DGKB: variants seen among roughly 807,000 people sequenced by gnomAD.
The protein encoded by DGKB is diacylglycerol kinase beta, also known as 90 kDa diacylglycerol kinase.
A neutral mutation model predicts 114.3 loss-of-function variants in DGKB; 67 were observed. The observed-to-expected ratio is 0.59, with a 90% CI of 0.48 to 0.72. The LOEUF (loss-of-function observed/expected upper bound fraction) is 0.72, where lower values mean the gene tolerates loss of function less well. Among genes scored for constraint, DGKB ranks in the 30% least tolerant of loss-of-function variants. DGKB has a pLI of 0.00. For missense variants in DGKB, 907 were observed against 975.2 expected, an observed-to-expected ratio of 0.93 and a Z score of 0.93; for synonymous variants, 398 against 323.1, an observed-to-expected ratio of 1.23 and a Z score of -2.49.
intron 23 of DGKB, among the ~76,000 whole-genome samples, chr7:14,259,381 C>G (rs915198659): frequency 1.1e-5 from 1 of 92,630 alleles, no homozygotes; most frequent in African/African-American, 4.4e-5. Flanking sequence ...AGTAAAGTTT[C>G]TCTCTCTCTC....
intron 21 of DGKB, among the ~76,000 whole-genome samples, chr7:14,403,523 T>TAA (rs35530262): frequency 6.0e-5 from 9 of 151,260 alleles, no homozygotes; most frequent in Non-Finnish European, 8.9e-5. Context: ...TTTTCCATTT[T>TAA]AAAAAAAACC....
intron 20 of DGKB, among the ~76,000 whole-genome samples, chr7:14,512,500 C>T (rs1788132194): frequency 6.6e-6 from 1 of 152,106 alleles, no homozygotes; most frequent in Admixed American, 6.6e-5. Context: ...ATGTCATTAG[C>T]TTGCTGGAAT....
intron 23 of DGKB, among the ~76,000 whole-genome samples, chr7:14,289,651 A>G (rs986446245): frequency 6.6e-6 from 1 of 152,050 alleles, no homozygotes; most frequent in Non-Finnish European, 1.5e-5. Flanking sequence ...CTATTAAAAA[A>G]TAACCATCTT....
At chr7:14,211,221 C>A (rs1584472047) in intron 23 of DGKB, among the ~76,000 whole-genome samples, 1 of 152,108 alleles carries the variant, frequency 6.6e-6, no homozygotes, top group Admixed American at 6.6e-5. Flanking sequence ...ATCCTAATAG[C>A]TATTCCTGCA....
At chr7:14,273,360 A>T (rs565761285) in intron 23 of DGKB, among the ~76,000 whole-genome samples, 1 of 152,264 alleles carries the variant, frequency 6.6e-6, no homozygotes, top group East Asian at 1.9e-4. Flanking sequence ...AAAATAAAAA[A>T]TACATAAAAA....
intron 20 of DGKB, among the ~76,000 whole-genome samples, chr7:14,486,068 T>TA (rs973789096): frequency 2.6e-5 from 4 of 151,996 alleles, no homozygotes; most frequent in Non-Finnish European, 4.4e-5. Context: ...TTCTTTTTTT[T>TA]AAAAAATAAT....
chr7:14,278,875 GA>G (rs998906170), intron 23 of DGKB, among the ~76,000 whole-genome samples: 1 of 152,184 alleles, frequency 6.6e-6, no homozygotes, highest in African/African-American at 2.4e-5. Flanking sequence ...TGGAAAGGAG[GA>G]GCCAAGACGG....
intron 6 of DGKB, among the ~76,000 whole-genome samples, chr7:14,713,640 T>C (rs1235147156): frequency 6.6e-6 from 1 of 151,576 alleles, no homozygotes; most frequent in Non-Finnish European, 1.5e-5. Flanking sequence ...TGGTCTTTTT[T>C]TTTTTTTCAT....
chr7:14,178,766 G>T (rs568651515), intron 23 of DGKB, among the ~76,000 whole-genome samples: 152 of 152,132 alleles, frequency 1.0e-3, no homozygotes, highest in Admixed American at 3.2e-3. Context: ...ACAAAATACT[G>T]TTTGGTAGTA....
At chr7:14,351,133 G>A (rs1813356369) in intron 21 of DGKB, among the ~76,000 whole-genome samples, 1 of 152,164 alleles carries the variant, frequency 6.6e-6, no homozygotes, top group African/African-American at 2.4e-5. Context: ...TAATACTGCA[G>A]AGTAAGTGTT....
At chr7:14,797,142 G>C (rs1186738167) in intron 2 of DGKB, among the ~76,000 whole-genome samples, 2 of 152,068 alleles carry the variant, frequency 1.3e-5, no homozygotes, top group African/African-American at 4.8e-5. Context: ...TGTTTTTCAT[G>C]ATCTTTTTGA....
chr7:14,659,384 T>G (rs1816558509), intron 13 of DGKB, among the ~76,000 whole-genome samples: 1 of 152,088 alleles, frequency 6.6e-6, no homozygotes, highest in South Asian at 2.1e-4. Flanking sequence ...TTCTTCCATT[T>G]GTTTGTATCC....
intron 13 of DGKB, among the ~76,000 whole-genome samples, chr7:14,639,724 C>G (rs1325260690): frequency 6.6e-6 from 1 of 152,224 alleles, no homozygotes; most frequent in Non-Finnish European, 1.5e-5. Context: ...CTTCCTTTTT[C>G]TGCCTCCCTC....
chr7:14,351,901 T>G (rs928291149), intron 21 of DGKB, among the ~76,000 whole-genome samples: 3 of 152,092 alleles, frequency 2.0e-5, no homozygotes, highest in African/African-American at 7.2e-5. Context: ...AATGTGTACT[T>G]TTTTTTGGAG....
intron 17 of DGKB, among the ~76,000 whole-genome samples, chr7:14,601,531 G>T (rs1585049381): frequency 6.6e-6 from 1 of 152,006 alleles, no homozygotes; most frequent in African/African-American, 2.4e-5. Flanking sequence ...CTGAGAATTT[G>T]TCAAATCCTT....
At chr7:14,524,756 C>CAA (rs11347141) in intron 20 of DGKB, among the ~76,000 whole-genome samples, 10 of 111,916 alleles carry the variant, frequency 8.9e-5, no homozygotes, top group South Asian at 3.0e-4. Context: ...GACTCTGTCT[C>CAA]AAAAAAAAAA....
At chr7:14,610,968 G>A (rs1306671762) in intron 16 of DGKB, among the ~76,000 whole-genome samples, 1 of 152,024 alleles carries the variant, frequency 6.6e-6, no homozygotes, top group Non-Finnish European at 1.5e-5. Flanking sequence ...ATAAAATTAA[G>A]ACATCTTCAC....
At chr7:14,542,078 T>C (rs567542741) in intron 20 of DGKB, among the ~76,000 whole-genome samples, 46 of 152,262 alleles carry the variant, frequency 3.0e-4, no homozygotes, top group Middle Eastern at 3.4e-3. Context: ...AAAACACCAT[T>C]CCTTTTAAGT....
At chr7:14,428,153 G>C (rs888276468) in intron 21 of DGKB, among the ~76,000 whole-genome samples, 1 of 151,604 alleles carries the variant, frequency 6.6e-6, no homozygotes, top group Non-Finnish European at 1.5e-5. Flanking sequence ...TCTATACTTT[G>C]TTTCATAACT....
Sources: allele counts gnomAD v4.1 joint callset (sites outside exome capture counted in the v4.1 genomes callset), GRCh38; gene constraint gnomAD v4.1.1; transcripts MANE v1.5; gene names NCBI Gene and HGNC (gene_info 2026-07-23, HGNC 2026-07-21).